The following KAZALD1 variants were observed in gnomAD, a reference collection of about 807,000 sequenced individuals.
The protein encoded by KAZALD1 is kazal-type serine protease inhibitor domain-containing protein 1.
Under a neutral mutation model 27.7 loss-of-function variants are expected in KAZALD1, and 31 were observed. The ratio of observed to expected loss-of-function variants is 1.12; its 90% CI spans 0.84 to 1.51. KAZALD1 has a LOEUF of 1.51. Among genes scored for constraint, KAZALD1 ranks in the 40% most tolerant of loss-of-function variants. The probability of loss-of-function intolerance (pLI) is 0.00; values close to 1 mark genes in which losing one functional copy is unlikely to be tolerated. For synonymous variants in KAZALD1, 179 were observed against 182.0 expected, an observed-to-expected ratio of 0.98 and a Z score of 0.13; for missense variants, 444 against 408.9, an observed-to-expected ratio of 1.09 and a Z score of -0.74.
chr10:101,064,618 G>A lies in KAZALD1; in HGVS notation c.790G>A (p.Ala264Thr), dbSNP rs769967082. The A allele has an allele frequency of 1.9e-6, 3 of 1,613,752 alleles. No homozygotes were observed. The highest frequency in any genetic ancestry group is 1.3e-5 in the African/African-American group (1 of 75,056). The change falls in exon 4 of 5, where the codon GCC becomes ACC. Residue 264 changes from alanine (A) to threonine (T), a missense_variant. Ala to Thr is a moderately conservative substitution (Grantham distance 58). Coordinates refer to ENST00000370200, the MANE Select transcript of KAZALD1 (RefSeq NM_030929.5). ...CCGCAATGCCCTGGGTCAAGTGGAG[G>A]CCCCTGCTAGCTTGACAGTGCTCAC... ...LGRNALGQVE[A>T]PASLTVLTPD...
In KAZALD1 at chr10:101,065,001, AG is replaced by A; in HGVS notation, c.*84del. The A allele has an allele frequency of 9.7e-7, 1 of 1,034,148 alleles. No homozygotes were observed. The highest frequency in any genetic ancestry group is 1.5e-6 in the Non-Finnish European group (1 of 668,044). 64.1% of individuals were successfully genotyped at this position (1,034,148 alleles called of 1,614,324 possible). ...CTTGAAAAGACCTGGAAAGGGGAGC[AG>A]GGTCCCTTCATCGACTGCTTTCATG... On this transcript the variant is annotated 3_prime_UTR_variant, in exon 5 of 5. Coordinates refer to ENST00000370200, the MANE Select transcript of KAZALD1 (RefSeq NM_030929.5).
intron 2 of KAZALD1, 87 bp from the exon 3 acceptor site, chr10:101,064,174 C>T (rs1236753939): frequency 2.1e-6 from 3 of 1,443,360 alleles, no homozygotes; most frequent in Non-Finnish European, 2.9e-6. Flanking sequence ...ACAAGCATGT[C>T]CACAAAAATT....
Position 101,064,256 on chromosome 10 carries a change from C to A in KAZALD1, c.512-5C>A, listed in dbSNP as rs1343593355. 1 of 1,614,106 alleles carries A rather than the reference C, an allele frequency of 6.2e-7. No individual in the cohort carries two copies. The highest frequency in any genetic ancestry group is 2.2e-5 in the East Asian group (1 of 44,888). On this transcript the variant is annotated splice_region_variant and splice_polypyrimidine_tract_variant and intron_variant, in intron 2 of 4. Coordinates refer to ENST00000370200, the MANE Select transcript of KAZALD1 (RefSeq NM_030929.5). ...TATTCTCAGACCTCCCGCCTTCACC[C>A]CCAGGGCCCCAGATCGTGTCACATC...
downstream of KAZALD1, chr10:101,067,545 T>A (rs1479601793): frequency 2.9e-6 from 1 of 350,760 alleles, no homozygotes; most frequent in Non-Finnish European, 5.6e-6. Flanking sequence ...CTCTCCTCCA[T>A]CTAGAGCAGG....
At position 101,064,572 on chromosome 10, in the gene KAZALD1, G is replaced by A. The variant is rs1387911635; in HGVS notation, c.744G>A (p.Glu248=). The A allele has an allele frequency of 5.0e-6, 8 of 1,614,118 alleles. No individual in the cohort carries two copies. Among genetic ancestry groups the A allele is most frequent in the Non-Finnish European group, 6.8e-6 (8 of 1,180,020 alleles). ...LQIQAVRPSD[E]GTYRCLGRNA... ...TCCAGGCTGTGCGTCCCAGTGATGA[G>A]GGCACTTACCGCTGCCTTGGCCGCA... The change falls in exon 4 of 5, where the codon GAG becomes GAA. Residue 248 remains glutamate (E), a synonymous_variant. Coordinates refer to ENST00000370200, the MANE Select transcript of KAZALD1 (RefSeq NM_030929.5).
Position 101,066,814 on chromosome 10 carries a change from C to T in KAZALD1, c.*1894C>T, listed in dbSNP as rs549229482. On this transcript the variant is annotated 3_prime_UTR_variant, in exon 5 of 5. Coordinates refer to ENST00000370200, the MANE Select transcript of KAZALD1 (RefSeq NM_030929.5). ...ATCCGCACTCCTTAATCGCGTTAGC[C>T]GACTTTGTAGGTGTTCAGGAGCAGC... 6.0e-6 allele frequency: 2 copies of T among 331,028 alleles called. No individual in the cohort carries two copies. Among genetic ancestry groups the T allele is most frequent in the South Asian group, 4.8e-5 (2 of 41,346 alleles). The allele number at this position is 331,028 out of a possible 1,614,324, so 20.5% of individuals were successfully genotyped here. A position where few individuals can be genotyped will look rare whatever the true frequency, so the allele number is the denominator to read the frequency against.
rs145868353 is a variant in KAZALD1, at chr10:101,063,047, C to T, written c.455C>T (p.Ala152Val). The T allele has an allele frequency of 5.0e-5, 80 of 1,584,628 alleles. No individual in the cohort carries two copies. In the African/African-American group the frequency reaches 1.1e-3, roughly 21 times the overall value. Residue 152 changes from alanine to valine, a missense_variant, in exon 2 of 5, where the codon GCC becomes GTC. Ala to Val is a moderately conservative substitution (Grantham distance 64). Coordinates refer to ENST00000370200, the MANE Select transcript of KAZALD1 (RefSeq NM_030929.5). Reference protein sequence around the residue: ...YSQICRLQEAARARPDANLTV... With the variant: ...YSQICRLQEAVRARPDANLTV... ...CAGATCTGCCGCCTGCAGGAGGCGG[C>T]CCGCGCTCGGCCCGATGCCAACCTC...
Position 101,064,848 on chromosome 10 carries a change from C to G in KAZALD1, c.843C>G (p.Ile281Met). The G allele has an allele frequency of 6.2e-7, 1 of 1,614,024 alleles. No individual in the cohort carries two copies. The highest frequency in any genetic ancestry group is 8.5e-7 in the Non-Finnish European group (1 of 1,179,908). ...CAGACCAGCTGAACTCTACAGGCAT[C>G]CCCCAGCTGCGATCACTAAACCTGG... ...LTPDQLNSTG[I>M]PQLRSLNLVP... The change falls in exon 5 of 5, where the codon ATC becomes ATG. Residue 281 changes from isoleucine (I) to methionine (M), a missense_variant. Coordinates refer to ENST00000370200, the MANE Select transcript of KAZALD1 (RefSeq NM_030929.5).
At position 101,063,012 on chromosome 10, in the gene KAZALD1, C is replaced by T; in HGVS notation, c.420C>T (p.His140=). 1 of 1,597,536 alleles carries T rather than the reference C, an allele frequency of 6.3e-7. No individual in the cohort carries two copies. The highest frequency in any genetic ancestry group is 8.5e-7 in the Non-Finnish European group (1 of 1,177,180). Residue 140 remains histidine, a synonymous_variant, in exon 2 of 5, where the codon CAC becomes CAT. Transcript: ENST00000370200. ...SQSPLCGSDG[H]TYSQICRLQE... is the part of the protein sequence containing the mutation. ...GTCCGCTCTGCGGGTCCGACGGTCA[C>T]ACCTACTCCCAGATCTGCCGCCTGC...
At position 101,066,212 on chromosome 10, in the gene KAZALD1, A is replaced by AT; in HGVS notation, c.*1292_*1293insT. ...TGTGTGTAGATGGCGACAGCCTCCT[A>AT]CACGCCAGGGCTCCACCCGGATCCT... On this transcript the variant is annotated 3_prime_UTR_variant, in exon 5 of 5. Transcript: ENST00000370200. The AT allele has an allele frequency of 5.9e-6, 2 of 340,126 alleles. No individual in the cohort carries two copies. Among genetic ancestry groups the AT allele is most frequent in the Admixed American group, 3.9e-5 (1 of 25,592 alleles). 21.1% of individuals were successfully genotyped at this position (340,126 alleles called of 1,614,324 possible). A position where few individuals can be genotyped will look rare whatever the true frequency, so the allele number is the denominator to read the frequency against.
rs1471126643 is a variant in KAZALD1, at chr10:101,062,991, G to T, written c.399G>T (p.Pro133=). ...TGTGTGCCTGTCGTTCGCAGAGTCC[G>T]CTCTGCGGGTCCGACGGTCACACCT... is the stretch of plus-strand genomic sequence containing the variant. The part of the protein sequence containing the change: ...EPLCACRSQS[P]LCGSDGHTYS... Residue 133 remains proline (P), a synonymous_variant, in exon 2 of 5, where the codon CCG becomes CCT. Coordinates refer to ENST00000370200, the MANE Select transcript of KAZALD1 (RefSeq NM_030929.5). 1 of 1,600,992 alleles carries T rather than the reference G, an allele frequency of 6.2e-7. No homozygotes were observed. The highest frequency in any genetic ancestry group is 8.5e-7 in the Non-Finnish European group (1 of 1,179,206).
At chr10:101,067,234 G>A (rs776733218), downstream of KAZALD1, 2 of 456,184 alleles carry the variant, frequency 4.4e-6, no homozygotes, top group South Asian at 3.1e-5. Context: ...CCATCCCCGC[G>A]TTTTGTGTCC....
rs112659467 is a variant in KAZALD1 at position 101,062,174 on chromosome 10, C to A, written c.-52+59C>A. 1,209 of 208,674 alleles carry A rather than the reference C, an allele frequency of 5.8e-3. 10 individuals are homozygous for A. Among genetic ancestry groups the A allele is most frequent in the Non-Finnish European group, 8.4e-3 (879 of 104,980 alleles). 12.9% of individuals were successfully genotyped at this position (208,674 alleles called of 1,614,324 possible). ...CGGCATCAGCCCCCCCAGTTCTCACCCCCCATTAGCAGCTTCTTACTTCTG... is the reference window on the plus strand; with the variant it reads ...CGGCATCAGCCCCCCCAGTTCTCACACCCCATTAGCAGCTTCTTACTTCTG... On this transcript the variant is annotated intron_variant, in intron 1 of 4. Coordinates refer to ENST00000370200, the MANE Select transcript of KAZALD1 (RefSeq NM_030929.5).
chr10:101,062,694 A>C lies in KAZALD1; in HGVS notation c.102A>C (p.Pro34=), dbSNP rs1939191269. ...TPPPTGARPS[P]GPDYLRRGWM... ...CCCCGACCGGCGCAAGGCCATCCCC[A>C]GGCCCAGATTACCTGCGGCGCGGCT... Residue 34 remains proline, a synonymous_variant, in exon 2 of 5, where the codon CCA becomes CCC. Transcript: ENST00000370200. The C allele has an allele frequency of 6.5e-7, 1 of 1,537,276 alleles. No individual in the cohort carries two copies. Among genetic ancestry groups the C allele is most frequent in the African/African-American group, 1.4e-5 (1 of 71,452 alleles).
At chr10:101,064,055 C>T (rs1939244758) in intron 2 of KAZALD1, among the ~76,000 whole-genome samples, 1 of 152,202 alleles carries the variant, frequency 6.6e-6, no homozygotes, top group African/African-American at 2.4e-5. Context: ...CCTATCTCCA[C>T]GTCTGCGTGG....
rs1327625810 is a variant in KAZALD1, at chr10:101,066,229, C to A, written c.*1309C>A. On this transcript the variant is annotated 3_prime_UTR_variant, in exon 5 of 5. Transcript: ENST00000370200. ...AGCCTCCTACACGCCAGGGCTCCAC[C>A]CGGATCCTGGCGCCACTGCGGGAGG... 2 of 355,828 alleles carry A rather than the reference C, an allele frequency of 5.6e-6. No homozygotes were observed. Among genetic ancestry groups the A allele is most frequent in the East Asian group, 7.6e-5 (1 of 13,180 alleles). The allele number at this position is 355,828 out of a possible 1,614,324, so 22.0% of individuals were successfully genotyped here. A position where few individuals can be genotyped will look rare whatever the true frequency, so the allele number is the denominator to read the frequency against.
At position 101,064,956 on chromosome 10, in the gene KAZALD1, C is replaced by T; in HGVS notation, c.*36C>T. 1 of 1,450,222 alleles carries T rather than the reference C, an allele frequency of 6.9e-7. No homozygotes were observed. Among genetic ancestry groups the T allele is most frequent in the Non-Finnish European group, 9.7e-7 (1 of 1,031,574 alleles). The allele number at this position is 1,450,222 out of a possible 1,614,324, so 89.8% of individuals were successfully genotyped here. A position where few individuals can be genotyped will look rare whatever the true frequency, so the allele number is the denominator to read the frequency against. ...CTGGCCCATGGGGGTGGGTGAGCGG[C>T]TATAGTGTTCATCCCTGCTCTTGAA... On this transcript the variant is annotated 3_prime_UTR_variant, in exon 5 of 5. Coordinates refer to ENST00000370200, the MANE Select transcript of KAZALD1 (RefSeq NM_030929.5).
Position 101,064,298 on chromosome 10 carries a change from T to C in KAZALD1, c.549T>C (p.Asn183=), listed in dbSNP as rs1939254283. The C allele has an allele frequency of 1.9e-6, 3 of 1,614,098 alleles. No homozygotes were observed. The highest frequency in any genetic ancestry group is 1.3e-5 in the African/African-American group (1 of 74,936). ...TGTCACATCCATATGACACTTGGAA[T>C]GTGACAGGGCAGGATGTGATCTTTG... ...QIVSHPYDTW[N]VTGQDVIFGC... Residue 183 remains asparagine (N), a synonymous_variant, in exon 3 of 5, where the codon AAT becomes AAC. Coordinates refer to ENST00000370200, the MANE Select transcript of KAZALD1 (RefSeq NM_030929.5).
rs1250634058 is a variant in KAZALD1, at chr10:101,063,027, C to A, written c.435C>A (p.Ile145=). ...CGSDGHTYSQ[I]CRLQEAARAR... is the part of the protein sequence containing the mutation. ...CCGACGGTCACACCTACTCCCAGAT[C>A]TGCCGCCTGCAGGAGGCGGCCCGCG... Residue 145 remains isoleucine (I), a synonymous_variant, in exon 2 of 5, where the codon ATC becomes ATA. Coordinates refer to ENST00000370200, the MANE Select transcript of KAZALD1 (RefSeq NM_030929.5). 5.0e-6 allele frequency: 8 copies of A among 1,589,554 alleles called. No individual in the cohort carries two copies. The highest frequency in any genetic ancestry group is 6.8e-6 in the Non-Finnish European group (8 of 1,171,900).
Sources: gnomAD v4.1 joint callset for allele counts (sites outside exome capture counted in the v4.1 genomes callset) on GRCh38, gnomAD v4.1.1 for gene constraint, MANE v1.5 for transcripts, NCBI Gene and HGNC (gene_info 2026-07-23, HGNC 2026-07-21) for gene names.